PAK1: variants seen among roughly 807,000 people sequenced by gnomAD.
PAK1 encodes p21 (RAC1) activated kinase 1, also known as serine/threonine-protein kinase PAK 1.
Under a neutral mutation model 67.4 loss-of-function variants are expected in PAK1, and 29 were observed. The ratio of observed to expected loss-of-function variants is 0.43; its 90% CI spans 0.32 to 0.59. The LOEUF is 0.59. Ranked by LOEUF, PAK1 falls within the 20% of genes least tolerant of loss-of-function variation. The pLI is 0.07. For missense variants in PAK1, 337 were observed against 670.7 expected (o/e 0.50, Z 5.50); for synonymous variants, 223 against 237.4 (o/e 0.94, Z 0.56).
intron 1 of PAK1, among the ~76,000 whole-genome samples, chr11:77,461,175 A>G (rs1957325578): frequency 6.6e-6 from 1 of 152,252 alleles, no homozygotes. Context: ...CTTTGAAAGG[A>G]GAAAGCTATA....
chr11:77,383,321 A>ATTT lies in PAK1; in HGVS notation c.191-3330_191-3328dup, dbSNP rs1162924725. ...CAGGATTTAGCTTGGGTACTGTGTA[A>ATTT]TTTTTTTTTTTTTTTTTTTTGAGAC... On this transcript the variant is annotated intron_variant, in intron 2 of 14. Coordinates refer to ENST00000356341, the MANE Select transcript of PAK1 (RefSeq NM_002576.5). Among the ~76,000 whole-genome samples, 1,124 of 135,624 alleles carry ATTT rather than the reference A, an allele frequency of 8.3e-3. 20 individuals are homozygous for ATTT. The highest frequency in any genetic ancestry group is 0.03 in the African/African-American group (1,083 of 36,386). The allele number at this position is 135,624 out of a possible 152,430, so 89.0% of individuals were successfully genotyped here. A position where few individuals can be genotyped will look rare whatever the true frequency, so the allele number is the denominator to read the frequency against.
chr11:77,498,243 A>G, the PAK1 span, among the ~76,000 whole-genome samples: 4 of 152,198 alleles, frequency 2.6e-5, no homozygotes, highest in African/African-American at 9.7e-5. Flanking sequence ...TGGGTGAAAA[A>G]CATGTGGAAA....
intron 14 of PAK1, among the ~76,000 whole-genome samples, chr11:77,330,717 AG>A (rs1941295105): frequency 6.6e-6 from 1 of 152,240 alleles, no homozygotes. Context: ...TTCAGGACAT[AG>A]GCATGGGCAA....
chr11:77,439,245 CTA>C (rs1956255668), intron 1 of PAK1, among the ~76,000 whole-genome samples: 1 of 152,120 alleles, frequency 6.6e-6, no homozygotes, highest in Non-Finnish European at 1.5e-5. Flanking sequence ...GAGGAGCATG[CTA>C]TCTCTTCTAT....
chr11:77,402,412 G>T (rs1052262749), intron 1 of PAK1, among the ~76,000 whole-genome samples: 13 of 152,120 alleles, frequency 8.5e-5, no homozygotes, highest in African/African-American at 3.1e-4. Flanking sequence ...GTTACTTCCA[G>T]AAACCAATAT....
At chr11:77,337,238 G>A (rs181411362) in intron 12 of PAK1, 86 bp downstream of exon 12, 221 of 601,266 alleles carry the variant, frequency 3.7e-4, no homozygotes, top group Admixed American at 1.4e-3. Flanking sequence ...GGTGAGTGTC[G>A]TAGTTACTAT....
At chr11:77,434,696 G>A (rs1956031996) in intron 1 of PAK1, among the ~76,000 whole-genome samples, 1 of 152,072 alleles carries the variant, frequency 6.6e-6, no homozygotes, top group Non-Finnish European at 1.5e-5. Flanking sequence ...TCTGCTCACT[G>A]CAACCTCTGC....
At chr11:77,508,931 A>G in the PAK1 span, among the ~76,000 whole-genome samples, 2 of 140,046 alleles carry the variant, frequency 1.4e-5, no homozygotes, top group Non-Finnish European at 3.1e-5. Context: ...AAGTGTTGGG[A>G]TTACAGGCGT....
intron 1 of PAK1, among the ~76,000 whole-genome samples, chr11:77,413,313 A>G (rs1450365904): frequency 6.6e-6 from 1 of 152,204 alleles, no homozygotes; most frequent in Non-Finnish European, 1.5e-5. Flanking sequence ...AGAAAATAGT[A>G]ATGATTTAGA....
At chr11:77,480,521 G>GTT in the PAK1 span, among the ~76,000 whole-genome samples, 4,187 of 121,234 alleles carry the variant, frequency 0.035, 371 homozygotes, top group African/African-American at 0.12. Context: ...AACCACCATG[G>GTT]TTTTTTTTTT....
At chr11:77,450,788 G>A (rs1956819811) in intron 1 of PAK1, among the ~76,000 whole-genome samples, 1 of 152,200 alleles carries the variant, frequency 6.6e-6, no homozygotes. Context: ...CTGCTATTCA[G>A]TGGGCTGCAA....
intron 5 of PAK1, 29 bp from the exon 6 acceptor site, chr11:77,359,046 C>A: frequency 6.2e-7 from 1 of 1,604,824 alleles, no homozygotes; most frequent in Non-Finnish European, 8.5e-7. Context: ...CAAGATGCAT[C>A]TGGTCCAGCT....
Position 77,462,123 on chromosome 11 carries a change from G to A in PAK1, c.-22+11429C>T, listed in dbSNP as rs576737372. 3.3e-5 allele frequency among the ~76,000 whole-genome samples: 5 copies of A among 151,858 alleles called. No individual in the cohort carries two copies. The South Asian group carries it at 6.2e-4, about 19-fold the overall frequency. On this transcript the variant is annotated intron_variant, in intron 1 of 14. Coordinates refer to ENST00000356341, the MANE Select transcript of PAK1 (RefSeq NM_002576.5). ...GGGTGGATCACAAGGTCAGGAGATC[G>A]AGACCATCCTGGCTAACACGGTGAA...
intron 13 of PAK1, among the ~76,000 whole-genome samples, chr11:77,333,162 T>A (rs528187265): frequency 1.3e-5 from 2 of 152,020 alleles, no homozygotes; most frequent in African/African-American, 4.8e-5. Flanking sequence ...TTATGAAATA[T>A]GTTACAGACC....
At chr11:77,466,378 C>T (rs983747595) in intron 1 of PAK1, among the ~76,000 whole-genome samples, 2 of 152,078 alleles carry the variant, frequency 1.3e-5, no homozygotes, top group East Asian at 3.9e-4. Flanking sequence ...CAGAAGCGGG[C>T]AGATCACAAG....
At chr11:77,385,730 G>A (rs947560081) in intron 2 of PAK1, among the ~76,000 whole-genome samples, 3 of 152,102 alleles carry the variant, frequency 2.0e-5, no homozygotes, top group Admixed American at 6.6e-5. Context: ...GGTGGCAGGT[G>A]CCTATAATCC....
intron 1 of PAK1, among the ~76,000 whole-genome samples, chr11:77,450,808 G>A (rs770974580): frequency 6.6e-6 from 1 of 152,176 alleles, no homozygotes; most frequent in Non-Finnish European, 1.5e-5. Flanking sequence ...ACTGCCTGCA[G>A]AAGTGACCCA....
intron 1 of PAK1, among the ~76,000 whole-genome samples, chr11:77,396,849 C>A (rs1377584309): frequency 1.3e-5 from 2 of 152,304 alleles, no homozygotes; most frequent in Non-Finnish European, 2.9e-5. Flanking sequence ...CTTATAGGTT[C>A]TCCACAAGTC....
At chr11:77,476,845 G>T (rs1239657091), upstream of PAK1, 1 of 152,160 alleles carries the variant, frequency 6.6e-6, no homozygotes, top group Non-Finnish European at 1.5e-5. Flanking sequence ...TTAGCTGGGC[G>T]TGGTGGCACA....
Sources: allele counts gnomAD v4.1 joint callset (sites outside exome capture counted in the v4.1 genomes callset), GRCh38; gene constraint gnomAD v4.1.1; transcripts MANE v1.5; gene names NCBI Gene and HGNC (gene_info 2026-07-23, HGNC 2026-07-21).